Variants in NCOA2 observed in about 807,000 individuals in gnomAD.
The protein encoded by NCOA2 is nuclear receptor coactivator 2.
A neutral mutation model predicts 145.1 loss-of-function variants in NCOA2; 21 were observed. That is an observed-to-expected ratio of 0.14 (90% CI 0.10 to 0.21). The LOEUF (loss-of-function observed/expected upper bound fraction) is 0.21. Ranked by LOEUF, NCOA2 falls within the 10% of genes least tolerant of loss-of-function variation. The pLI is 1.00. For missense variants in NCOA2, 1,472 were observed against 1,837.6 expected, an observed-to-expected ratio of 0.80 and a Z score of 3.64; for synonymous variants, 619 against 637.5, an observed-to-expected ratio of 0.97 and a Z score of 0.44.
intron 2 of NCOA2, among the ~76,000 whole-genome samples, chr8:70,228,004 C>CAAAAAAA (rs34992637): frequency 1.8e-5 from 2 of 112,288 alleles, no homozygotes; most frequent in African/African-American, 3.4e-5. Flanking sequence ...GACTCCATCT[C>CAAAAAAA]AAAAAAAAAA....
chr8:70,277,388 TCA>T (rs1825546564), intron 2 of NCOA2, among the ~76,000 whole-genome samples: 2 of 152,156 alleles, frequency 1.3e-5, no homozygotes, highest in South Asian at 4.1e-4. Context: ...CTTAAGAAAC[TCA>T]CAATTCAGAT....
the NCOA2 span, among the ~76,000 whole-genome samples, chr8:70,443,335 T>C: frequency 1.3e-5 from 2 of 152,016 alleles, no homozygotes; most frequent in African/African-American, 4.8e-5. Context: ...GATCATGACA[T>C]TGCACTCCAA....
chr8:70,206,330 T>C (rs1384174666), intron 4 of NCOA2, among the ~76,000 whole-genome samples: 2 of 152,202 alleles, frequency 1.3e-5, no homozygotes, highest in Non-Finnish European at 2.9e-5. Flanking sequence ...GTCTTTCACC[T>C]CTGTCATTTC....
In NCOA2 at chr8:70,309,360, TA is replaced by T. The variant is rs1828129198; in HGVS notation, c.-76-12561del. Among the ~76,000 whole-genome samples the T allele has an allele frequency of 1.4e-5, 2 of 139,072 alleles. 1 individual carries two copies. Among genetic ancestry groups the T allele is most frequent in the South Asian group, 4.5e-4 (2 of 4,452 alleles). The allele number at this position is 139,072 out of a possible 152,430, so 91.2% of individuals were successfully genotyped here. ...ATGAATCGCCTTTCATAAATAGTAA[TA>T]AGGACTTAAAAAAAAAAAAAGAAAC... is the stretch of plus-strand genomic sequence containing the variant. On this transcript the variant is annotated intron_variant, in intron 1 of 22. Coordinates refer to ENST00000452400, the MANE Select transcript of NCOA2 (RefSeq NM_006540.4).
intron 2 of NCOA2, among the ~76,000 whole-genome samples, chr8:70,260,598 A>T (rs1403039712): frequency 6.6e-6 from 1 of 152,244 alleles, no homozygotes; most frequent in Non-Finnish European, 1.5e-5. Context: ...TAAACATTAT[A>T]ATGAACAAAT....
At chr8:70,194,676 C>CTTTTTTTTTTTTTTTTTTTTTT (rs199803538) in intron 4 of NCOA2, among the ~76,000 whole-genome samples, 1 of 109,906 alleles carries the variant, frequency 9.1e-6, no homozygotes, top group Non-Finnish European at 1.9e-5. Context: ...CTTTTATCTT[C>CTTTTTTTTTTTTTTTTTTTTTT]TTTTTTTTTT....
At chr8:70,322,293 C>T (rs190754370) in intron 1 of NCOA2, among the ~76,000 whole-genome samples, 43 of 152,162 alleles carry the variant, frequency 2.8e-4, no homozygotes, top group African/African-American at 9.4e-4. Flanking sequence ...CATTATGCCT[C>T]GAGAGCTCTG....
At chr8:70,221,460 G>A (rs1276874455) in intron 2 of NCOA2, among the ~76,000 whole-genome samples, 1 of 152,024 alleles carries the variant, frequency 6.6e-6, no homozygotes, top group Admixed American at 6.6e-5. Flanking sequence ...AAAATTTCTG[G>A]GCCAGGCTCT....
At chr8:70,314,052 C>T (rs939370130) in intron 1 of NCOA2, among the ~76,000 whole-genome samples, 5 of 150,954 alleles carry the variant, frequency 3.3e-5, no homozygotes, top group Non-Finnish European at 4.4e-5. Flanking sequence ...TGATGGCGGA[C>T]GCCTATAGTC....
intron 1 of NCOA2, among the ~76,000 whole-genome samples, chr8:70,377,942 C>CTAGA (rs2131366985): frequency 6.6e-6 from 1 of 152,262 alleles, no homozygotes. Flanking sequence ...AACTCTGACT[C>CTAGA]TGATTTCCAT....
In NCOA2 at chr8:70,388,734, G is replaced by A. The variant is rs539910349; in HGVS notation, c.-77+14966C>T. Among the ~76,000 whole-genome samples, 4 of 152,236 alleles carry A rather than the reference G, an allele frequency of 2.6e-5. No individual in the cohort carries two copies. In the Middle Eastern group the frequency reaches 0.014, roughly 518 times the overall value. On this transcript the variant is annotated intron_variant, in intron 1 of 22. Transcript: ENST00000452400. ...AGATAAAACACAGAATATTAGAAAA[G>A]AGGAAATGAACTGTTCTTTTTAAAA...
intron 1 of NCOA2, among the ~76,000 whole-genome samples, chr8:70,376,442 G>T (rs1263163327): frequency 6.6e-6 from 1 of 152,010 alleles, no homozygotes; most frequent in Non-Finnish European, 1.5e-5. Context: ...GTGCAATACA[G>T]TCTGGATTTT....
intron 3 of NCOA2, among the ~76,000 whole-genome samples, chr8:70,215,471 C>T (rs1199443865): frequency 6.6e-6 from 1 of 152,066 alleles, no homozygotes; most frequent in Non-Finnish European, 1.5e-5. Flanking sequence ...AGTAGGGAAC[C>T]TAGAGGAGCT....
chr8:70,119,257 A>G (rs1175525752), intron 22 of NCOA2, among the ~76,000 whole-genome samples: 1 of 151,928 alleles, frequency 6.6e-6, no homozygotes, highest in Non-Finnish European at 1.5e-5. Flanking sequence ...TCCACTCTCT[A>G]CTTCCATGTG....
rs1333233039 is a variant in NCOA2, at chr8:70,144,692, C to T, written c.2762G>A (p.Gly921Asp). 1 of 1,613,964 alleles carries T rather than the reference C, an allele frequency of 6.2e-7. No homozygotes were observed. Among genetic ancestry groups the T allele is most frequent in the African/African-American group, 1.3e-5 (1 of 75,042 alleles). Residue 921 changes from glycine (G) to aspartate (D), a missense_variant, in exon 13 of 23, where the codon GGT becomes GAT. By Grantham distance (94) the Gly-to-Asp change is moderately conservative (BLOSUM62 -1). Around this residue, in one of 4 missense-constraint regions of NCOA2, gnomAD observed 953 missense variants for 1,062.1 expected, o/e 0.90. Coordinates refer to ENST00000452400, the MANE Select transcript of NCOA2 (RefSeq NM_006540.4). ...YSVIPQPGMMGNQGMIGNQGN... is the reference protein window; with the variant it reads ...YSVIPQPGMMDNQGMIGNQGN... ...TTGGTTTCCTATCATCCCTTGATTACCCATCATTCCTGGCTGAGGTATCAC... is the reference window on the plus strand; with the variant it reads ...TTGGTTTCCTATCATCCCTTGATTATCCATCATTCCTGGCTGAGGTATCAC...
At chr8:70,295,639 T>C (rs1827033348) in intron 2 of NCOA2, among the ~76,000 whole-genome samples, 1 of 152,182 alleles carries the variant, frequency 6.6e-6, no homozygotes, top group African/African-American at 2.4e-5. Flanking sequence ...ATTAATTTCA[T>C]ATCTAGAAAT....
Position 70,128,516 on chromosome 8 carries a change from T to C in NCOA2, c.3604-6A>G, listed in dbSNP as rs1808711459. On this transcript the variant is annotated splice_region_variant and splice_polypyrimidine_tract_variant and intron_variant, in intron 17 of 22. Coordinates refer to ENST00000452400, the MANE Select transcript of NCOA2 (RefSeq NM_006540.4). ...TTCATAAGTGGCTGGCGATTCTAAA[T>C]ACATACAAACAGGATGAATACATTT... 1.9e-6 allele frequency: 3 copies of C among 1,611,332 alleles called. No individual in the cohort carries two copies. The highest frequency in any genetic ancestry group is 2.5e-6 in the Non-Finnish European group (3 of 1,178,474).
the NCOA2 span, among the ~76,000 whole-genome samples, chr8:70,442,977 C>A: frequency 6.6e-6 from 1 of 152,106 alleles, no homozygotes; most frequent in Non-Finnish European, 1.5e-5. Flanking sequence ...CGTACGCAGT[C>A]CATTGCACAA....
intron 11 of NCOA2, 124 bp downstream of exon 11, chr8:70,155,847 A>G (rs756759907): frequency 1.3e-6 from 1 of 767,288 alleles, no homozygotes; most frequent in East Asian, 2.8e-5. Flanking sequence ...GATTTTCAAG[A>G]TAAGAACAAC....
Sources: allele counts gnomAD v4.1 joint callset (sites outside exome capture counted in the v4.1 genomes callset), GRCh38; gene constraint gnomAD v4.1.1; regional missense constraint gnomAD v4.1.1; transcripts MANE v1.5; gene names NCBI Gene and HGNC (gene_info 2026-07-23, HGNC 2026-07-21).